Variants in NR3C2 observed in about 807,000 individuals in gnomAD.
NR3C2 encodes the protein mineralocorticoid receptor.
A neutral mutation model predicts 86.4 loss-of-function variants in NR3C2; 15 were observed. That is an observed-to-expected ratio of 0.17 (90% CI 0.12 to 0.27). The LOEUF (loss-of-function observed/expected upper bound fraction) is 0.27, where lower values mean the gene tolerates loss of function less well. Among genes scored for constraint, NR3C2 ranks in the 10% least tolerant of loss-of-function variants. NR3C2 has a pLI of 1.00. For synonymous variants in NR3C2, 458 were observed against 450.5 expected, an observed-to-expected ratio of 1.02 and a Z score of -0.21; for missense variants, 960 against 1,195.6, an observed-to-expected ratio of 0.80 and a Z score of 2.91.
chr4:148,369,645 A>C (rs1402978276), intron 2 of NR3C2, among the ~76,000 whole-genome samples: 1 of 152,182 alleles, frequency 6.6e-6, no homozygotes, highest in Admixed American at 6.5e-5. Context: ...CTTCATTTTA[A>C]AGTATAATCT....
intron 2 of NR3C2, among the ~76,000 whole-genome samples, chr4:148,295,332 A>G (rs3910059): frequency 0.99 from 150,216 of 151,854 alleles, 74,318 homozygotes; most frequent in East Asian, 1. Context: ...ATGTAAATAA[A>G]CACTGTCCTG....
chr4:148,411,956 G>A (rs972044034), intron 2 of NR3C2, among the ~76,000 whole-genome samples: 1 of 152,186 alleles, frequency 6.6e-6, no homozygotes, highest in Non-Finnish European at 1.5e-5. Context: ...ATTTTAGGGA[G>A]ACAGCATCAA....
chr4:148,200,213 TGCCCTGCGGGCTCCA>T (rs1246306287), intron 3 of NR3C2, among the ~76,000 whole-genome samples: 1 of 152,212 alleles, frequency 6.6e-6, no homozygotes, highest in African/African-American at 2.4e-5. Flanking sequence ...AGGTCGCCAA[TGCCCTGCGGGCTCCA>T]GTGCCCCTTC....
intron 6 of NR3C2, among the ~76,000 whole-genome samples, chr4:148,130,330 C>T (rs1357397128): frequency 6.6e-6 from 1 of 152,212 alleles, no homozygotes; most frequent in Non-Finnish European, 1.5e-5. Flanking sequence ...CCCAACTCTT[C>T]CACCTATGGG....
intron 4 of NR3C2, among the ~76,000 whole-genome samples, chr4:148,177,487 T>C (rs1315598949): frequency 1.3e-5 from 2 of 152,122 alleles, no homozygotes; most frequent in African/African-American, 2.4e-5. Context: ...AATAACATAA[T>C]TCAGTGTGAA....
At chr4:148,369,078 C>T (rs1313599082) in intron 2 of NR3C2, among the ~76,000 whole-genome samples, 1 of 152,150 alleles carries the variant, frequency 6.6e-6, no homozygotes, top group Non-Finnish European at 1.5e-5. Flanking sequence ...TTGTAGAATT[C>T]CTGGGAAGAA....
chr4:148,186,996 GTATATATATATATATATA>G (rs1162757665), intron 4 of NR3C2, among the ~76,000 whole-genome samples: 438 of 27,200 alleles, frequency 0.016, 6 homozygotes, highest in Middle Eastern at 0.017. Flanking sequence ...GTGTATGTAT[GTATATATATATATATATA>G]TATATATATA....
intron 3 of NR3C2, among the ~76,000 whole-genome samples, chr4:148,221,666 G>A (rs532665996): frequency 3.5e-4 from 54 of 152,296 alleles, no homozygotes; most frequent in Non-Finnish European, 7.3e-4. Context: ...GCCGAGGCAG[G>A]TGGATCACTT....
intron 2 of NR3C2, among the ~76,000 whole-genome samples, chr4:148,359,981 C>T (rs912557931): frequency 5.3e-5 from 8 of 152,060 alleles, no homozygotes; most frequent in Non-Finnish European, 7.4e-5. Flanking sequence ...GGAGCAACCC[C>T]GGGGTTTGCT....
Position 148,426,857 on chromosome 4 carries a change from T to C in NR3C2, c.1757+8247A>G, listed in dbSNP as rs146092421. 6.7e-3 allele frequency among the ~76,000 whole-genome samples: 1,026 copies of C among 152,330 alleles called. 9 individuals are homozygous for C. Among genetic ancestry groups the C allele is most frequent in the African/African-American group, 0.022 (904 of 41,568 alleles). On this transcript the variant is annotated intron_variant, in intron 2 of 8. Coordinates refer to ENST00000358102, the MANE Select transcript of NR3C2 (RefSeq NM_000901.5). Reference sequence around the variant, plus strand: ...CCAACATCGCCACCTATATGAAGAATGTTTCCAATCATAGGTAGGTCTGGC... The same window carrying C: ...CCAACATCGCCACCTATATGAAGAACGTTTCCAATCATAGGTAGGTCTGGC...
chr4:148,150,513 A>G (rs1224884700), intron 6 of NR3C2, among the ~76,000 whole-genome samples: 1 of 152,220 alleles, frequency 6.6e-6, no homozygotes, highest in Non-Finnish European at 1.5e-5. Context: ...GGGGCCAGCC[A>G]TCTTAAACGG....
intron 2 of NR3C2, among the ~76,000 whole-genome samples, chr4:148,392,156 C>T (rs1243783868): frequency 6.6e-6 from 1 of 152,086 alleles, no homozygotes; most frequent in Non-Finnish European, 1.5e-5. Context: ...CCAAAATATA[C>T]TTAAGATCTG....
intron 2 of NR3C2, among the ~76,000 whole-genome samples, chr4:148,356,899 C>CTG (rs67285458): frequency 0.039 from 5,760 of 148,966 alleles, 108 homozygotes; most frequent in Middle Eastern, 0.062. Context: ...CTAAGCACGA[C>CTG]TGTGTGTGTG....
chr4:148,307,493 T>C (rs939982526), intron 2 of NR3C2, among the ~76,000 whole-genome samples: 6 of 152,222 alleles, frequency 3.9e-5, no homozygotes, highest in Non-Finnish European at 8.8e-5. Flanking sequence ...GAATGTGAGA[T>C]GTATGCATGA....
chr4:148,109,827 T>C (rs895852343), intron 8 of NR3C2, among the ~76,000 whole-genome samples: 24 of 152,214 alleles, frequency 1.6e-4, no homozygotes, highest in Non-Finnish European at 1.5e-4. Flanking sequence ...ATATGTTTAA[T>C]AGGAAAAGGG....
chr4:148,340,252 C>T (rs900783502), intron 2 of NR3C2, among the ~76,000 whole-genome samples: 3 of 152,102 alleles, frequency 2.0e-5, no homozygotes, highest in Non-Finnish European at 4.4e-5. Flanking sequence ...CACTACCTGA[C>T]TTCAAAATAT....
chr4:148,195,051 T>C (rs1736377829), intron 3 of NR3C2, among the ~76,000 whole-genome samples, 189 bp from the exon 4 acceptor site: 1 of 152,204 alleles, frequency 6.6e-6, no homozygotes, highest in Non-Finnish European at 1.5e-5. Context: ...GACTTTAGAT[T>C]ACATATGATA....
intron 4 of NR3C2, among the ~76,000 whole-genome samples, chr4:148,167,016 T>C (rs750486241): frequency 3.3e-5 from 5 of 152,228 alleles, no homozygotes; most frequent in Non-Finnish European, 7.3e-5. Flanking sequence ...TTCTCTCAAA[T>C]TGTTTGCCAC....
At chr4:148,124,350 G>C (rs1418183973) in intron 6 of NR3C2, among the ~76,000 whole-genome samples, 2 of 152,186 alleles carry the variant, frequency 1.3e-5, no homozygotes, top group Non-Finnish European at 2.9e-5. Flanking sequence ...AGTTTAAAAA[G>C]CTATGGATTT....
Sources: allele counts gnomAD v4.1 joint callset (sites outside exome capture counted in the v4.1 genomes callset), GRCh38; gene constraint gnomAD v4.1.1; transcripts MANE v1.5; gene names NCBI Gene and HGNC (gene_info 2026-07-23, HGNC 2026-07-21).